The following LRBA variants were observed in gnomAD, a reference collection of about 807,000 sequenced individuals.
The protein encoded by LRBA is LPS responsive beige-like anchor protein, also known as lipopolysaccharide-responsive and beige-like anchor protein.
LRBA carries 176 observed loss-of-function variants against 330.0 expected under a neutral mutation model. That is an observed-to-expected ratio of 0.53 (90% confidence interval 0.47 to 0.60). The LOEUF is 0.60. Ranked by LOEUF, LRBA falls within the 20% of genes least tolerant of loss-of-function variation. The probability of loss-of-function intolerance (pLI) is 0.00; values close to 1 mark genes in which losing one functional copy is unlikely to be tolerated. For missense variants in LRBA, 3,259 were observed against 3,444.8 expected (o/e 0.95, Z 1.35); for synonymous variants, 1,230 against 1,193.0 (o/e 1.03, Z -0.64).
chr4:150,382,369 A>G (rs770893595), intron 47 of LRBA, among the ~76,000 whole-genome samples: 2 of 152,114 alleles, frequency 1.3e-5, no homozygotes, highest in Non-Finnish European at 2.9e-5. Flanking sequence ...CATGCCTGTA[A>G]TCTTAGCACT....
chr4:150,637,536 A>T (rs1778045235), intron 37 of LRBA, among the ~76,000 whole-genome samples: 1 of 152,140 alleles, frequency 6.6e-6, no homozygotes, highest in South Asian at 2.1e-4. Context: ...TGTCACTCCA[A>T]AAATTAGGTT....
intron 44 of LRBA, among the ~76,000 whole-genome samples, chr4:150,466,509 G>A (rs932838615): frequency 6.6e-6 from 1 of 152,056 alleles, no homozygotes; most frequent in Non-Finnish European, 1.5e-5. Context: ...TAAGGGAAAT[G>A]ACTATGTATA....
intron 42 of LRBA, among the ~76,000 whole-genome samples, chr4:150,485,972 CT>C (rs1757825002): frequency 6.6e-6 from 1 of 151,818 alleles, no homozygotes; most frequent in Non-Finnish European, 1.5e-5. Context: ...AGTGTACAAA[CT>C]TTTCATTGTA....
intron 17 of LRBA, 31 bp downstream of exon 17, chr4:150,893,021 C>A (rs199515243): frequency 7.7e-7 from 1 of 1,306,052 alleles, no homozygotes; most frequent in Non-Finnish European, 1.1e-6. Context: ...CCAAACTAAT[C>A]CCTTATATGA....
At chr4:150,311,067 G>A (rs1320433061) in intron 51 of LRBA, 2 of 152,092 alleles carry the variant, frequency 1.3e-5, no homozygotes, top group African/African-American at 2.4e-5. Context: ...AAAGTGCTAC[G>A]GTGCACCTGA....
intron 37 of LRBA, among the ~76,000 whole-genome samples, chr4:150,633,263 TG>T (rs958207622): frequency 6.6e-6 from 1 of 152,238 alleles, no homozygotes; most frequent in African/African-American, 2.4e-5. Flanking sequence ...TTCATAAGGT[TG>T]TTGGGCAGAT....
rs1189191370 is a variant in LRBA at position 150,380,127 on chromosome 4, C to T, written c.7195-29968G>A. Among the ~76,000 whole-genome samples the T allele has an allele frequency of 6.6e-5, 10 of 150,626 alleles. No individual in the cohort carries two copies. The East Asian group carries it at 1.6e-3, about 23-fold the overall frequency. On this transcript the variant is annotated intron_variant, in intron 47 of 56. Transcript: ENST00000651943. ...CCAGGAGGCAGAGGTTGCAGTGAGC[C>T]GAGATCACGCCATTGCACTCCAGCC...
rs1213055438 is a variant in LRBA at position 150,325,400 on chromosome 4, AG to A, written c.7452+408del. 2.6e-5 allele frequency among the ~76,000 whole-genome samples: 4 copies of A among 152,214 alleles called. 1 individual carries two copies. Among genetic ancestry groups the A allele is most frequent in the African/African-American group, 9.6e-5 (4 of 41,464 alleles). On this transcript the variant is annotated intron_variant, in intron 49 of 56. Transcript: ENST00000651943. ...CTTCAGTAACAATATCTTATGTATTAGAATTTGTTTTAAAATTCCCAAACTG... is the reference window on the plus strand; with the variant it reads ...CTTCAGTAACAATATCTTATGTATTAAATTTGTTTTAAAATTCCCAAACTG...
Position 150,803,757 on chromosome 4 carries a change from G to A in LRBA, c.5518+2514C>T, listed in dbSNP as rs149159505. ...TCTTAGATTTGTTTGCTATTTTTAT[G>A]AACATCATCAATGAATAGGCACTGC... On this transcript the variant is annotated intron_variant, in intron 33 of 56. Transcript: ENST00000651943. 7.7e-3 allele frequency among the ~76,000 whole-genome samples: 1,177 copies of A among 152,140 alleles called. 12 individuals carry two copies. The highest frequency in any genetic ancestry group is 0.027 in the African/African-American group (1,122 of 41,520).
At chr4:150,296,270 CCAAAGGAAATAAGG>C (rs1728961862) in intron 53 of LRBA, among the ~76,000 whole-genome samples, 1 of 151,992 alleles carries the variant, frequency 6.6e-6, no homozygotes, top group Non-Finnish European at 1.5e-5. Flanking sequence ...CCCCACTCAC[CCAAAGGAAATAAGG>C]CAGTCTCTCA....
At chr4:150,485,502 A>C (rs945750641) in intron 42 of LRBA, among the ~76,000 whole-genome samples, 22 of 152,110 alleles carry the variant, frequency 1.4e-4, no homozygotes, top group Middle Eastern at 6.8e-3. Context: ...GTTAAAATGA[A>C]GTCATCAGGG....
At chr4:150,899,363 G>A (rs1203646987) in intron 14 of LRBA, among the ~76,000 whole-genome samples, 1 of 152,146 alleles carries the variant, frequency 6.6e-6, no homozygotes, top group Admixed American at 6.6e-5. Flanking sequence ...CAAGTGCAGT[G>A]AGACAAATTC....
At chr4:150,828,100 G>A in intron 30 of LRBA, 80 bp downstream of exon 30, 5 of 1,309,568 alleles carry the variant, frequency 3.8e-6, no homozygotes, top group Non-Finnish European at 5.4e-6. Flanking sequence ...CGGCTACACA[G>A]GGCGTCATCA....
At chr4:150,409,868 A>G (rs1362893881) in intron 47 of LRBA, among the ~76,000 whole-genome samples, 1 of 152,100 alleles carries the variant, frequency 6.6e-6, no homozygotes, top group Admixed American at 6.6e-5. Flanking sequence ...CTTCATACCT[A>G]TCTCCCTACA....
intron 55 of LRBA, 45 bp downstream of exon 55, chr4:150,282,405 T>C (rs1297890748): frequency 6.5e-7 from 1 of 1,542,698 alleles, no homozygotes; most frequent in Non-Finnish European, 8.9e-7. Context: ...TTGACACACG[T>C]TGAGGTAAAA....
rs975357975 is a variant in LRBA, at chr4:150,435,853, A to G, written c.6922-145T>C. The G allele has an allele frequency of 4.7e-5, 23 of 489,024 alleles. No homozygotes were observed. In the South Asian group the frequency reaches 8.6e-4, roughly 18 times the overall value. The allele number at this position is 489,024 out of a possible 1,614,324, so 30.3% of individuals were successfully genotyped here. ...GGTATATAATGAGAATTATATCTAA[A>G]TTATTACATTAATGTTCTCAAGTTA... is the stretch of plus-strand genomic sequence containing the variant. On this transcript the variant is annotated intron_variant, in intron 45 of 56. Transcript: ENST00000651943.
chr4:150,283,179 C>G (rs900388288), intron 54 of LRBA, among the ~76,000 whole-genome samples: 2 of 152,122 alleles, frequency 1.3e-5, no homozygotes, highest in African/African-American at 4.8e-5. Flanking sequence ...AAAGGGGGTC[C>G]CTGGTAGTTC....
At chr4:150,960,572 A>C (rs1738032447) in intron 2 of LRBA, among the ~76,000 whole-genome samples, 1 of 149,188 alleles carries the variant, frequency 6.7e-6, no homozygotes, top group South Asian at 2.1e-4. Context: ...AATAAAAGAA[A>C]GTGATTACTG....
At position 150,590,721 on chromosome 4, in the gene LRBA, T is replaced by G. The variant is rs1033431224; in HGVS notation, c.6185A>C (p.Asn2062Thr). Reference protein sequence around the residue: ...LSSVDEKDLENLAGPVSLSTP... With the variant: ...LSSVDEKDLETLAGPVSLSTP... ...ACAACCACCAAATTTACCGGCAAGA[T>G]TCTCTAAATCTTTCTCATCCACGGA... Residue 2062 changes from asparagine to threonine, a missense_variant, in exon 39 of 57, where the codon AAT (asparagine) becomes ACT (threonine). By Grantham distance (65) the Asn-to-Thr change is moderately conservative. Transcript: ENST00000651943. 1.2e-6 allele frequency: 2 copies of G among 1,613,254 alleles called. No homozygotes were observed. The highest frequency in any genetic ancestry group is 1.7e-6 in the Non-Finnish European group (2 of 1,179,766).
Sources: gnomAD v4.1 joint callset for allele counts (sites outside exome capture counted in the v4.1 genomes callset) on GRCh38, gnomAD v4.1.1 for gene constraint, MANE v1.5 for transcripts, NCBI Gene and HGNC (gene_info 2026-07-23, HGNC 2026-07-21) for gene names.